The following SHROOM4 variants were observed in gnomAD, a reference collection of about 807,000 sequenced individuals.
SHROOM4 encodes the protein protein Shroom4.
SHROOM4 carries 17 observed loss-of-function variants against 80.3 expected under a neutral mutation model. The ratio of observed to expected loss-of-function variants is 0.21; its 90% CI spans 0.14 to 0.32. SHROOM4 has a LOEUF of 0.32. SHROOM4 is among the 10% of genes least tolerant of loss of function. The pLI, the probability that SHROOM4 is intolerant of heterozygous loss-of-function variation, is 1.00. For synonymous variants in SHROOM4, 400 were observed against 437.5 expected, an observed-to-expected ratio of 0.91 and a Z score of 1.07; for missense variants, 993 against 1,140.3, an observed-to-expected ratio of 0.87 and a Z score of 1.86.
At chrX:50,668,566 GA>G (rs1291663900) in intron 2 of SHROOM4, among the ~76,000 whole-genome samples, 3 of 111,835 alleles carry the variant, frequency 2.7e-5, no homozygotes, top group African/African-American at 9.8e-5. Context: ...AGATTTCAAT[GA>G]AAAAATCATT....
intron 1 of SHROOM4, among the ~76,000 whole-genome samples, chrX:50,805,836 GAT>G (rs1936215588): frequency 9.0e-6 from 1 of 111,577 alleles, no homozygotes; most frequent in Non-Finnish European, 1.9e-5. Flanking sequence ...GATAGAGAGA[GAT>G]GCAGTGTGAG....
chrX:50,644,700 T>C (rs1417585939), intron 2 of SHROOM4, among the ~76,000 whole-genome samples: 2 of 112,648 alleles, frequency 1.8e-5, no homozygotes, highest in African/African-American at 6.5e-5. Context: ...CTTTCCTCTC[T>C]GGGGAAATCA....
rs781995902 is a variant in SHROOM4, at chrX:50,789,298, A to G, written c.117+24604T>C. Among the ~76,000 whole-genome samples the G allele has an allele frequency of 3.6e-5, 4 of 112,098 alleles. No homozygotes were observed. In the South Asian group the frequency reaches 1.5e-3, roughly 42 times the overall value. ...GAAGAAGATTGAAATCATACCATGTATATTTTCTGACCACAATGGAATGAA... is the reference window on the plus strand; with the variant it reads ...GAAGAAGATTGAAATCATACCATGTGTATTTTCTGACCACAATGGAATGAA... On this transcript the variant is annotated intron_variant, in intron 1 of 8. Coordinates refer to ENST00000376020, the MANE Select transcript of SHROOM4 (RefSeq NM_020717.5).
intron 2 of SHROOM4, among the ~76,000 whole-genome samples, chrX:50,689,169 G>C (rs782112191): frequency 9.9e-5 from 11 of 111,161 alleles, no homozygotes; most frequent in Non-Finnish European, 1.3e-4. Context: ...ATTGCACATT[G>C]GAAAACCACT....
At chrX:50,718,917 C>A (rs1227525780) in intron 1 of SHROOM4, among the ~76,000 whole-genome samples, 1 of 111,524 alleles carries the variant, frequency 9.0e-6, no homozygotes, top group Non-Finnish European at 1.9e-5. Flanking sequence ...TGTGCAGATC[C>A]TGCTTCAGTA....
At chrX:50,652,492 T>C (rs782460661) in intron 2 of SHROOM4, among the ~76,000 whole-genome samples, 1 of 112,009 alleles carries the variant, frequency 8.9e-6, no homozygotes, top group East Asian at 2.8e-4. Context: ...GATGGATAGA[T>C]TGCAAAAATT....
chrX:50,664,975 A>G (rs1027485985), intron 2 of SHROOM4, among the ~76,000 whole-genome samples: 2 of 109,234 alleles, frequency 1.8e-5, no homozygotes, highest in Non-Finnish European at 3.8e-5. Context: ...ATTTAAACCT[A>G]TTGGGAGAAA....
rs1179963234 is a variant in SHROOM4, at chrX:50,592,969, G to A, written c.*3726C>T. On this transcript the variant is annotated 3_prime_UTR_variant, in exon 9 of 9. Transcript: ENST00000376020. ...TCAGTGAGCTAAAGGGCAGGGCTGT[G>A]ATCCTGAGATCCTTCTGAGTAGAAA... 1 of 112,048 alleles carries A rather than the reference G, an allele frequency of 8.9e-6. No individual in the cohort carries two copies. The highest frequency in any genetic ancestry group is 1.9e-5 in the Non-Finnish European group (1 of 53,262). 9.2% of individuals were successfully genotyped at this position (112,048 alleles called of 1,213,427 possible).
intron 2 of SHROOM4, among the ~76,000 whole-genome samples, chrX:50,664,185 T>G (rs1272239888): frequency 8.9e-6 from 1 of 111,840 alleles, no homozygotes; most frequent in Admixed American, 9.5e-5. Flanking sequence ...GACTATGACA[T>G]GTTTAAAGAC....
At chrX:50,808,842 G>T (rs1557273210) in intron 1 of SHROOM4, among the ~76,000 whole-genome samples, 1 of 110,479 alleles carries the variant, frequency 9.1e-6, no homozygotes, top group African/African-American at 3.3e-5. Context: ...CCTCTAATAG[G>T]CTTGACCTTT....
chrX:50,595,753 T>A lies in SHROOM4; in HGVS notation c.*942A>T, dbSNP rs1046664350. On this transcript the variant is annotated 3_prime_UTR_variant, in exon 9 of 9. Transcript: ENST00000376020. The stretch of plus-strand genomic sequence containing the variant: ...GAAAATGCTTTCCTTCTGGGCTAAC[T>A]TTTCCCTCTCCAACTTCCCTCTTCT... 1 of 298,118 alleles carries A rather than the reference T, an allele frequency of 3.4e-6. No individual in the cohort carries two copies. Among genetic ancestry groups the A allele is most frequent in the Non-Finnish European group, 6.2e-6 (1 of 160,290 alleles). 24.6% of individuals were successfully genotyped at this position (298,118 alleles called of 1,213,427 possible). A position where few individuals can be genotyped will look rare whatever the true frequency, so the allele number is the denominator to read the frequency against.
intron 1 of SHROOM4, among the ~76,000 whole-genome samples, chrX:50,770,447 T>C (rs1161150192): frequency 8.9e-6 from 1 of 111,867 alleles, no homozygotes; most frequent in African/African-American, 3.3e-5. Flanking sequence ...GGCAGCAGCA[T>C]ACATACACAG....
At chrX:50,607,281 T>A (rs782594711) in intron 6 of SHROOM4, 100 bp downstream of exon 6, 25 of 953,471 alleles carry the variant, frequency 2.6e-5, no homozygotes, top group Non-Finnish European at 3.4e-5. Flanking sequence ...GCAGTTTAAC[T>A]GGCCAGCCTG....
intron 1 of SHROOM4, among the ~76,000 whole-genome samples, chrX:50,708,448 G>A (rs1933730336): frequency 8.9e-6 from 1 of 112,122 alleles, no homozygotes; most frequent in African/African-American, 3.2e-5. Context: ...TGCCATAGAA[G>A]CAGCAGGAGG....
intron 6 of SHROOM4, among the ~76,000 whole-genome samples, chrX:50,606,039 C>T (rs1929648994): frequency 9.2e-6 from 1 of 109,222 alleles, no homozygotes. Flanking sequence ...GGTAGAAGAA[C>T]AGCTTGAGAA....
intron 1 of SHROOM4, among the ~76,000 whole-genome samples, chrX:50,779,731 C>G (rs782342544): frequency 8.9e-6 from 1 of 112,119 alleles, no homozygotes; most frequent in African/African-American, 3.2e-5. Context: ...ACATTGCTAT[C>G]TCTGGTTCTT....
Position 50,633,158 on chromosome X carries a change from C to A in SHROOM4, c.2895+20G>T. 1 of 1,199,819 alleles carries A rather than the reference C, an allele frequency of 8.3e-7. No individual in the cohort carries two copies. Among genetic ancestry groups the A allele is most frequent in the Non-Finnish European group, 1.1e-6 (1 of 886,058 alleles). On this transcript the variant is annotated intron_variant, in intron 4 of 8. Coordinates refer to ENST00000376020, the MANE Select transcript of SHROOM4 (RefSeq NM_020717.5). ...CAAAGACAATAATGAAGGTTACCCA[C>A]CCAAGAACCAAGTCCTCACCTGCAC... is the stretch of plus-strand genomic sequence containing the variant.
At chrX:50,759,354 A>G (rs1218524568) in intron 1 of SHROOM4, among the ~76,000 whole-genome samples, 1 of 111,900 alleles carries the variant, frequency 8.9e-6, no homozygotes, top group Non-Finnish European at 1.9e-5. Context: ...GCCTCAGGAG[A>G]AACCAAACTT....
chrX:50,669,524 C>T (rs1932770594), intron 2 of SHROOM4, among the ~76,000 whole-genome samples: 1 of 111,084 alleles, frequency 9.0e-6, no homozygotes, highest in Admixed American at 9.6e-5. Context: ...TGATCTTGAA[C>T]TCCTGGGATC....
Sources: gnomAD v4.1 joint callset for allele counts (sites outside exome capture counted in the v4.1 genomes callset) on GRCh38, gnomAD v4.1.1 for gene constraint, MANE v1.5 for transcripts, NCBI Gene and HGNC (gene_info 2026-07-23, HGNC 2026-07-21) for gene names.